The following TRAPPC9 variants were observed in gnomAD, a reference collection of about 807,000 sequenced individuals.
The protein encoded by TRAPPC9 is trafficking protein particle complex subunit 9.
TRAPPC9 carries 83 observed loss-of-function variants against 124.0 expected under a neutral mutation model. The ratio of observed to expected loss-of-function variants is 0.67; its 90% CI spans 0.56 to 0.80. TRAPPC9 has a LOEUF of 0.80. TRAPPC9 is among the 30% of genes least tolerant of loss of function. TRAPPC9 has a pLI of 0.00. For missense variants in TRAPPC9, 1,302 were observed against 1,508.3 expected (o/e 0.86, Z 2.27); for synonymous variants, 638 against 617.5 (o/e 1.03, Z -0.49).
At chr8:140,220,963 C>T (rs1181871327) in intron 17 of TRAPPC9, among the ~76,000 whole-genome samples, 1 of 152,186 alleles carries the variant, frequency 6.6e-6, no homozygotes, top group East Asian at 1.9e-4. Flanking sequence ...TAGGCCTCTC[C>T]ACGGAGCCAG....
intron 17 of TRAPPC9, among the ~76,000 whole-genome samples, chr8:140,046,437 C>T (rs1236983649): frequency 1.3e-5 from 2 of 152,236 alleles, no homozygotes; most frequent in African/African-American, 4.8e-5. Context: ...CCACAGCCGC[C>T]GACTCCCTCC....
chr8:139,980,723 G>A (rs554347194), intron 19 of TRAPPC9, among the ~76,000 whole-genome samples: 1 of 152,352 alleles, frequency 6.6e-6, no homozygotes, highest in East Asian at 1.9e-4. Flanking sequence ...AGTTGAGGCT[G>A]CAGAGGGCTC....
intron 17 of TRAPPC9, chr8:140,099,382 G>A (rs1249554438): frequency 6.6e-6 from 1 of 150,852 alleles, no homozygotes; most frequent in African/African-American, 2.4e-5. Flanking sequence ...GCCTTCCGCA[G>A]GGGAGACAGG....
intron 20 of TRAPPC9, chr8:139,904,948 G>A (rs1341257478): frequency 1.3e-5 from 2 of 152,196 alleles, no homozygotes; most frequent in Admixed American, 6.5e-5. Flanking sequence ...TCTAGATCAC[G>A]TGGTAAAGGC....
chr8:139,964,080 C>T lies in TRAPPC9; in HGVS notation c.2810+24646G>A, dbSNP rs556461053. Among the ~76,000 whole-genome samples the T allele has an allele frequency of 3.9e-5, 6 of 151,976 alleles. No homozygotes were observed. The East Asian group carries it at 7.8e-4, about 20-fold the overall frequency. On this transcript the variant is annotated intron_variant, in intron 19 of 22. Transcript: ENST00000438773. ...TGTACTAAAAATACAAAAAATTAGC[C>T]GGGCGTGGTGGCGGGCACCTGTAGT...
intron 9 of TRAPPC9, among the ~76,000 whole-genome samples, chr8:140,342,852 G>T (rs1163030716): frequency 6.6e-6 from 1 of 152,128 alleles, no homozygotes; most frequent in Non-Finnish European, 1.5e-5. Flanking sequence ...TTTATGCTCT[G>T]CTATATGAAG....
At chr8:140,435,973 G>A (rs1432619495) in intron 3 of TRAPPC9, among the ~76,000 whole-genome samples, 1 of 152,184 alleles carries the variant, frequency 6.6e-6, no homozygotes, top group Non-Finnish European at 1.5e-5. Context: ...CTTTTTTTGT[G>A]ATGTGGGTTA....
rs147067358 is a variant in TRAPPC9 at position 140,041,879 on chromosome 8, G to A, written c.2557-17800C>T. 3.1e-3 allele frequency among the ~76,000 whole-genome samples: 474 copies of A among 152,222 alleles called. 3 individuals carry two copies. Among genetic ancestry groups the A allele is most frequent in the African/African-American group, 0.011 (447 of 41,528 alleles). The stretch of plus-strand genomic sequence containing the variant: ...CCCAGCTATTCAGGAGGCTGAGGCA[G>A]GAGAATTGCTTGAACCCAGGGGTGG... On this transcript the variant is annotated intron_variant, in intron 17 of 22. Transcript: ENST00000438773.
intron 19 of TRAPPC9, among the ~76,000 whole-genome samples, chr8:139,951,820 T>C (rs1834663862): frequency 6.6e-6 from 1 of 152,198 alleles, no homozygotes; most frequent in Non-Finnish European, 1.5e-5. Context: ...TTGTTTCAAA[T>C]AGAATGCAAG....
intron 21 of TRAPPC9, among the ~76,000 whole-genome samples, chr8:139,884,109 C>T (rs981511014): frequency 2.0e-5 from 3 of 152,128 alleles, no homozygotes; most frequent in South Asian, 2.1e-4. Flanking sequence ...CATTTGTAAA[C>T]GTGTCTGGCA....
chr8:139,860,938 T>G (rs982977483), intron 21 of TRAPPC9, among the ~76,000 whole-genome samples: 1 of 152,258 alleles, frequency 6.6e-6, no homozygotes, highest in African/African-American at 2.4e-5. Context: ...CACTACAGCC[T>G]GGAGAGCCTG....
chr8:140,045,774 C>T (rs1355479333), intron 17 of TRAPPC9, among the ~76,000 whole-genome samples: 1 of 151,810 alleles, frequency 6.6e-6, no homozygotes, highest in African/African-American at 2.4e-5. Flanking sequence ...GAGGACACGC[C>T]CAGCTCAGCC....
At chr8:139,753,017 T>A (rs569496518) in intron 21 of TRAPPC9, among the ~76,000 whole-genome samples, 2 of 140,010 alleles carry the variant, frequency 1.4e-5, no homozygotes, top group South Asian at 4.9e-4. Context: ...CATCCACCCA[T>A]CTACCATCCA....
chr8:140,069,994 C>T (rs1843073629), intron 17 of TRAPPC9, among the ~76,000 whole-genome samples: 1 of 152,180 alleles, frequency 6.6e-6, no homozygotes, highest in South Asian at 2.1e-4. Flanking sequence ...CCTTTCTGTT[C>T]CACCCAGGCC....
chr8:140,000,453 G>T (rs985786274), intron 18 of TRAPPC9, among the ~76,000 whole-genome samples: 1 of 152,186 alleles, frequency 6.6e-6, no homozygotes, highest in South Asian at 2.1e-4. Flanking sequence ...GCAACCTACA[G>T]AATGGGAGAA....
intron 21 of TRAPPC9, among the ~76,000 whole-genome samples, chr8:139,749,122 C>T (rs1203682170): frequency 6.6e-6 from 1 of 152,142 alleles, no homozygotes; most frequent in Non-Finnish European, 1.5e-5. Flanking sequence ...ACCCCAGTGC[C>T]CTGCGACTTC....
intron 12 of TRAPPC9, among the ~76,000 whole-genome samples, chr8:140,288,097 T>G (rs1301573036): frequency 1.3e-5 from 2 of 152,178 alleles, no homozygotes; most frequent in African/African-American, 4.8e-5. Context: ...TCCCAACACT[T>G]TGGGAGGCCA....
intron 9 of TRAPPC9, among the ~76,000 whole-genome samples, chr8:140,329,256 T>C (rs2066829068): frequency 6.6e-6 from 1 of 152,112 alleles, no homozygotes; most frequent in South Asian, 2.1e-4. Flanking sequence ...GGTGAGATCT[T>C]CTGGAAAGAA....
intron 17 of TRAPPC9, among the ~76,000 whole-genome samples, chr8:140,024,846 T>C (rs979429480): frequency 6.6e-6 from 1 of 152,138 alleles, no homozygotes; most frequent in Non-Finnish European, 1.5e-5. Flanking sequence ...CGGGGGTGCT[T>C]CTATCCAGAA....
Sources: gnomAD v4.1 joint callset for allele counts (sites outside exome capture counted in the v4.1 genomes callset) on GRCh38, gnomAD v4.1.1 for gene constraint, MANE v1.5 for transcripts, NCBI Gene and HGNC (gene_info 2026-07-23, HGNC 2026-07-21) for gene names.